The following RNLS variants were observed in gnomAD, a reference collection of about 807,000 sequenced individuals.
RNLS encodes renalase.
A neutral mutation model predicts 39.8 loss-of-function variants in RNLS; 39 were observed. The ratio of observed to expected loss-of-function variants is 0.98; its 90% CI spans 0.76 to 1.28. RNLS has a LOEUF of 1.28. Among genes scored for constraint, RNLS ranks in the 50% most tolerant of loss-of-function variants. The pLI, the probability that RNLS is intolerant of heterozygous loss-of-function variation, is 0.00. For missense variants in RNLS, 410 were observed against 413.3 expected (o/e 0.99, Z 0.07); for synonymous variants, 147 against 150.7 (o/e 0.98, Z 0.18).
chr10:88,289,144 TATAAATAAAGCTGAA>T (rs1843493659), intron 6 of RNLS, among the ~76,000 whole-genome samples: 1 of 152,192 alleles, frequency 6.6e-6, no homozygotes, highest in Admixed American at 6.5e-5. Context: ...GGACTGGGTA[TATAAATAAAGCTGAA>T]GAAGTGGTTT....
At chr10:88,577,039 A>G (rs1407721467) in intron 3 of RNLS, among the ~76,000 whole-genome samples, 5 of 152,120 alleles carry the variant, frequency 3.3e-5, no homozygotes, top group Non-Finnish European at 7.4e-5. Flanking sequence ...ACCTTATTCA[A>G]AAGCAAAAGG....
At chr10:88,536,442 C>T (rs1847762911) in intron 4 of RNLS, among the ~76,000 whole-genome samples, 1 of 152,218 alleles carries the variant, frequency 6.6e-6, no homozygotes, top group Admixed American at 6.5e-5. Context: ...CTCCACATAG[C>T]AGTCAGAGAG....
intron 5 of RNLS, among the ~76,000 whole-genome samples, chr10:88,350,376 C>G (rs1274768847): frequency 3.3e-5 from 5 of 152,032 alleles, no homozygotes; most frequent in Non-Finnish European, 7.4e-5. Context: ...TGCTATCCCT[C>G]CCCCCTCCTC....
intron 5 of RNLS, among the ~76,000 whole-genome samples, chr10:88,338,526 T>C (rs1847672489): frequency 6.6e-6 from 1 of 152,218 alleles, no homozygotes; most frequent in Non-Finnish European, 1.5e-5. Flanking sequence ...TAAATTGATA[T>C]ATACAGAATC....
chr10:88,199,039 C>A, the RNLS span, among the ~76,000 whole-genome samples: 9 of 152,118 alleles, frequency 5.9e-5, no homozygotes, highest in Admixed American at 1.3e-4. Context: ...GCAAACAACA[C>A]CTCGGAAAGG....
intron 6 of RNLS, among the ~76,000 whole-genome samples, chr10:88,292,272 G>A (rs1843722727): frequency 6.7e-6 from 1 of 150,360 alleles, no homozygotes; most frequent in Non-Finnish European, 1.5e-5. Flanking sequence ...AGTCTGTCAT[G>A]TTAATATAGG....
chr10:88,391,024 T>C (rs781211709), intron 4 of RNLS, among the ~76,000 whole-genome samples: 23 of 152,240 alleles, frequency 1.5e-4, no homozygotes, highest in Admixed American at 5.2e-4. Context: ...TGAACCTTAC[T>C]GAGAATTGTT....
At chr10:88,328,884 A>G (rs1322840454) in intron 5 of RNLS, among the ~76,000 whole-genome samples, 1 of 152,142 alleles carries the variant, frequency 6.6e-6, no homozygotes, top group Non-Finnish European at 1.5e-5. Flanking sequence ...AGTTCTTAAA[A>G]TGAACTTCTA....
the RNLS span, among the ~76,000 whole-genome samples, chr10:88,254,599 G>C: frequency 3.3e-5 from 5 of 152,268 alleles, no homozygotes; most frequent in Non-Finnish European, 4.4e-5. Flanking sequence ...TTTTGCTTAA[G>C]CCAGCTTTGT....
intron 5 of RNLS, among the ~76,000 whole-genome samples, chr10:88,331,637 G>A (rs141052484): frequency 0.012 from 1,830 of 152,258 alleles, 17 homozygotes; most frequent in Non-Finnish European, 0.017. Context: ...AGATTCACAT[G>A]AGGAGAGAAG....
the RNLS span, among the ~76,000 whole-genome samples, chr10:88,185,412 A>G: frequency 6.6e-6 from 1 of 151,948 alleles, no homozygotes; most frequent in Non-Finnish European, 1.5e-5. Flanking sequence ...TTCCATTTAT[A>G]TTGTTTTTTT....
chr10:88,172,032 A>G, the RNLS span, among the ~76,000 whole-genome samples: 1 of 152,206 alleles, frequency 6.6e-6, no homozygotes, highest in African/African-American at 2.4e-5. Context: ...TCTACTGTGT[A>G]TATAGAAAAG....
At chr10:88,271,124 G>T (rs1842639903), downstream of RNLS, among the ~76,000 whole-genome samples, 2 of 152,262 alleles carry the variant, frequency 1.3e-5, no homozygotes, top group East Asian at 1.9e-4. Context: ...TTGATACAGG[G>T]CATTTCTACC....
intron 5 of RNLS, among the ~76,000 whole-genome samples, chr10:88,342,680 C>T (rs1331044192): frequency 1.3e-5 from 2 of 151,852 alleles, no homozygotes; most frequent in Non-Finnish European, 2.9e-5. Flanking sequence ...AATAGAGAAA[C>T]CATTTTAATT....
intron 6 of RNLS, among the ~76,000 whole-genome samples, chr10:88,289,108 T>C (rs1440670790): frequency 6.6e-6 from 1 of 152,156 alleles, no homozygotes; most frequent in African/African-American, 2.4e-5. Context: ...GCAAATGCAA[T>C]GTTTCTATAA....
chr10:88,215,524 G>A, the RNLS span, among the ~76,000 whole-genome samples: 1 of 152,088 alleles, frequency 6.6e-6, no homozygotes, highest in African/African-American at 2.4e-5. Flanking sequence ...TAGCTCTGAT[G>A]GACCAACTCT....
intron 5 of RNLS, among the ~76,000 whole-genome samples, chr10:88,340,251 C>G (rs1847834954): frequency 6.6e-6 from 1 of 152,194 alleles, no homozygotes; most frequent in Non-Finnish European, 1.5e-5. Flanking sequence ...AGTTCTGAAC[C>G]AGAGAAGTTT....
chr10:88,532,029 G>T (rs991809041), intron 4 of RNLS, among the ~76,000 whole-genome samples: 1 of 152,070 alleles, frequency 6.6e-6, no homozygotes, highest in African/African-American at 2.4e-5. Context: ...GGGAGTATCA[G>T]CTCAAGTCTT....
At chr10:88,228,931 G>C in the RNLS span, among the ~76,000 whole-genome samples, 1 of 152,156 alleles carries the variant, frequency 6.6e-6, no homozygotes, top group East Asian at 1.9e-4. Flanking sequence ...AGTCCATGTA[G>C]CTCAGACTTT....
Sources: gnomAD v4.1 joint callset for allele counts (sites outside exome capture counted in the v4.1 genomes callset) on GRCh38, gnomAD v4.1.1 for gene constraint, MANE v1.5 for transcripts, NCBI Gene and HGNC (gene_info 2026-07-23, HGNC 2026-07-21) for gene names.